SHISA9: variants seen among roughly 807,000 people sequenced by gnomAD.
SHISA9 encodes shisa family member 9, also known as protein shisa-9.
In SHISA9, 13 loss-of-function variants were observed where a neutral mutation model predicts 38.0. The ratio of observed to expected loss-of-function variants is 0.34; its 90% CI spans 0.22 to 0.54. The LOEUF (loss-of-function observed/expected upper bound fraction) is 0.54, where lower values mean the gene tolerates loss of function less well. SHISA9 is among the 20% of genes least tolerant of loss of function. The probability of loss-of-function intolerance (pLI) is 0.91; values close to 1 mark genes in which losing one functional copy is unlikely to be tolerated. For missense variants in SHISA9, 538 were observed against 575.8 expected (o/e 0.93, Z 0.67); for synonymous variants, 275 against 242.0 (o/e 1.14, Z -1.27).
chr16:12,932,367 A>C (rs1437717161), intron 2 of SHISA9, among the ~76,000 whole-genome samples: 1 of 151,994 alleles, frequency 6.6e-6, no homozygotes, highest in Non-Finnish European at 1.5e-5. Flanking sequence ...TTTGAGATGG[A>C]GTCTTACTCT....
intron 2 of SHISA9, among the ~76,000 whole-genome samples, chr16:13,011,453 T>C (rs1185489249): frequency 6.6e-6 from 1 of 152,062 alleles, no homozygotes; most frequent in Non-Finnish European, 1.5e-5. Flanking sequence ...ATCTGCTATT[T>C]TGTGTCCTTT....
intron 2 of SHISA9, among the ~76,000 whole-genome samples, chr16:13,112,816 A>G (rs1388413854): frequency 3.3e-5 from 5 of 152,000 alleles, no homozygotes; most frequent in Non-Finnish European, 7.4e-5. Context: ...ATGGCCAAAG[A>G]ATGTGTGGGG....
At chr16:12,935,292 C>A (rs188356718) in intron 2 of SHISA9, among the ~76,000 whole-genome samples, 23 of 152,354 alleles carry the variant, frequency 1.5e-4, no homozygotes, top group African/African-American at 3.1e-4. Flanking sequence ...CTGATCTCTT[C>A]TCTGCATTTA....
At chr16:13,172,740 GA>G (rs1212192285) in intron 2 of SHISA9, among the ~76,000 whole-genome samples, 5 of 129,194 alleles carry the variant, frequency 3.9e-5, no homozygotes, top group South Asian at 2.5e-4. Context: ...TTATCTTGAT[GA>G]TTTTTTTTTT....
intron 2 of SHISA9, among the ~76,000 whole-genome samples, chr16:12,993,873 G>A (rs1372512000): frequency 2.0e-5 from 3 of 152,072 alleles, no homozygotes; most frequent in Non-Finnish European, 4.4e-5. Flanking sequence ...CCAGGTGGAG[G>A]GAATAGCATC....
chr16:13,179,124 C>G (rs1024503607), intron 2 of SHISA9, among the ~76,000 whole-genome samples: 2 of 152,084 alleles, frequency 1.3e-5, no homozygotes, highest in African/African-American at 4.8e-5. Context: ...ATTTCTAGAC[C>G]AGCCAATATG....
chr16:13,370,926 T>A, the SHISA9 span, among the ~76,000 whole-genome samples: 1 of 152,148 alleles, frequency 6.6e-6, no homozygotes, highest in Admixed American at 6.5e-5. Context: ...GTGCTTTAAG[T>A]GATAGGGTTG....
At chr16:13,091,854 A>G (rs912290435) in intron 2 of SHISA9, among the ~76,000 whole-genome samples, 15 of 152,146 alleles carry the variant, frequency 9.9e-5, no homozygotes, top group African/African-American at 3.4e-4. Context: ...CTCGCTAGGA[A>G]CTGCGATCCT....
chr16:13,085,133 T>C (rs1446593785), intron 2 of SHISA9, among the ~76,000 whole-genome samples: 1 of 152,184 alleles, frequency 6.6e-6, no homozygotes, highest in Non-Finnish European at 1.5e-5. Context: ...AGGATATCCT[T>C]ACCAATATGG....
At chr16:13,471,901 T>C in the SHISA9 span, among the ~76,000 whole-genome samples, 2 of 152,202 alleles carry the variant, frequency 1.3e-5, no homozygotes, top group African/African-American at 4.8e-5. Flanking sequence ...AAAGAAAGAC[T>C]GACCATTGCC....
At chr16:13,158,475 C>T (rs1464205295) in intron 2 of SHISA9, among the ~76,000 whole-genome samples, 1 of 152,176 alleles carries the variant, frequency 6.6e-6, no homozygotes, top group African/African-American at 2.4e-5. Context: ...AAAAGCTGTC[C>T]TGGGAGGACC....
chr16:13,089,960 C>T (rs915296532), intron 2 of SHISA9, among the ~76,000 whole-genome samples: 1 of 152,182 alleles, frequency 6.6e-6, no homozygotes, highest in Non-Finnish European at 1.5e-5. Context: ...TTTCCCTCTA[C>T]ACACTGCTTC....
chr16:13,114,100 C>A (rs2074006056), intron 2 of SHISA9, among the ~76,000 whole-genome samples: 1 of 152,122 alleles, frequency 6.6e-6, no homozygotes, highest in African/African-American at 2.4e-5. Flanking sequence ...AGCAAACTCA[C>A]AATATTGAAG....
chr16:13,244,236 A>G (rs2051456208), downstream of SHISA9, among the ~76,000 whole-genome samples: 1 of 152,220 alleles, frequency 6.6e-6, no homozygotes, highest in African/African-American at 2.4e-5. Flanking sequence ...ATCTCGATGT[A>G]TACTCATGAA....
At chr16:13,034,859 A>G (rs150140280) in intron 2 of SHISA9, among the ~76,000 whole-genome samples, 2 of 152,326 alleles carry the variant, frequency 1.3e-5, no homozygotes, top group South Asian at 2.1e-4. Flanking sequence ...CCCTTCTCCC[A>G]TCCAAGATCG....
At chr16:13,540,611 T>C in the SHISA9 span, among the ~76,000 whole-genome samples, 12 of 152,180 alleles carry the variant, frequency 7.9e-5, no homozygotes, top group Non-Finnish European at 1.6e-4. Context: ...CCTGGGATCA[T>C]CTCTAAAATA....
intron 2 of SHISA9, among the ~76,000 whole-genome samples, chr16:13,058,947 G>C (rs2073341963): frequency 6.6e-6 from 1 of 151,958 alleles, no homozygotes; most frequent in South Asian, 2.1e-4. Flanking sequence ...TTGGGGGGTG[G>C]ACATTTGGGA....
intron 2 of SHISA9, among the ~76,000 whole-genome samples, chr16:13,024,719 G>T (rs1343416535): frequency 6.6e-6 from 1 of 152,320 alleles, no homozygotes; most frequent in East Asian, 1.9e-4. Context: ...CTGTAAAGTA[G>T]GGGGTGACAA....
Position 12,902,460 on chromosome 16 carries a change from C to A in SHISA9, c.396C>A (p.Gly132=). Residue 132 remains glycine, a synonymous_variant, in exon 1 of 5, where the codon GGC becomes GGA. Coordinates refer to ENST00000558583, the MANE Select transcript of SHISA9 (RefSeq NM_001145204.3). ...ACACGCCGCTCTGGCTCAACACCGG[C>A]AAGCCCCCCGCCCGCAAGGACGACC... The part of the protein sequence containing the change: ...NYDTPLWLNT[G]KPPARKDDPL... 3.9e-6 allele frequency: 6 copies of A among 1,551,438 alleles called. No individual in the cohort carries two copies. Among genetic ancestry groups the A allele is most frequent in the Non-Finnish European group, 5.2e-6 (6 of 1,146,984 alleles).
Sources: gnomAD v4.1 joint callset for allele counts (sites outside exome capture counted in the v4.1 genomes callset) on GRCh38, gnomAD v4.1.1 for gene constraint, MANE v1.5 for transcripts, NCBI Gene and HGNC (gene_info 2026-07-23, HGNC 2026-07-21) for gene names.